GPC5: variants seen among roughly 807,000 people sequenced by gnomAD.
GPC5 encodes the protein glypican 5.
Under a neutral mutation model 53.9 loss-of-function variants are expected in GPC5, and 47 were observed. The observed-to-expected ratio is 0.87, with a 90% CI of 0.69 to 1.11. The LOEUF is 1.11. Among genes scored for constraint, GPC5 ranks in the 50% most tolerant of loss-of-function variants. The pLI is 0.00. For synonymous variants in GPC5, 286 were observed against 263.3 expected (o/e 1.09, Z -0.84); for missense variants, 748 against 713.1 (o/e 1.05, Z -0.56).
intron 5 of GPC5, among the ~76,000 whole-genome samples, chr13:91,792,592 C>A (rs1301425068): frequency 1.3e-5 from 2 of 152,268 alleles, no homozygotes; most frequent in African/African-American, 2.4e-5. Flanking sequence ...AAGTATATTT[C>A]TCTTCTCTAT....
intron 7 of GPC5, among the ~76,000 whole-genome samples, chr13:92,696,629 T>A (rs764047461): frequency 2.0e-5 from 3 of 152,204 alleles, no homozygotes; most frequent in Non-Finnish European, 2.9e-5. Context: ...TGCAAAAATT[T>A]TCTCCCATTC....
At chr13:91,454,422 G>C (rs1443757868) in intron 2 of GPC5, among the ~76,000 whole-genome samples, 1 of 151,888 alleles carries the variant, frequency 6.6e-6, no homozygotes, top group African/African-American at 2.4e-5. Flanking sequence ...CTATGGCTAT[G>C]GTAATCTCAT....
intron 7 of GPC5, among the ~76,000 whole-genome samples, chr13:92,453,801 A>G (rs2139401594): frequency 6.6e-6 from 1 of 152,300 alleles, no homozygotes; most frequent in South Asian, 2.1e-4. Flanking sequence ...CTGTTTGTCA[A>G]TTTTATATAA....
chr13:92,093,095 C>G (rs953278334), intron 6 of GPC5, among the ~76,000 whole-genome samples: 1 of 152,130 alleles, frequency 6.6e-6, no homozygotes, highest in Admixed American at 6.5e-5. Context: ...GCTAAACTAA[C>G]ATTTAGTTTT....
At chr13:91,535,089 C>G (rs562399475) in intron 2 of GPC5, among the ~76,000 whole-genome samples, 1 of 151,974 alleles carries the variant, frequency 6.6e-6, no homozygotes, top group South Asian at 2.1e-4. Context: ...CGCCTTTGCT[C>G]TCTTTTCTCA....
chr13:92,729,284 A>T (rs539506864), intron 7 of GPC5, among the ~76,000 whole-genome samples: 1 of 151,378 alleles, frequency 6.6e-6, no homozygotes, highest in East Asian at 2.0e-4. Context: ...CTTTCCTTTC[A>T]TATCAACCCC....
chr13:92,809,871 C>T (rs545788837), intron 7 of GPC5, among the ~76,000 whole-genome samples: 108 of 151,974 alleles, frequency 7.1e-4, no homozygotes, highest in Non-Finnish European at 4.1e-4. Flanking sequence ...CTTGCATAAA[C>T]GATGACAAGT....
chr13:91,707,449 A>T (rs941791503), intron 3 of GPC5, among the ~76,000 whole-genome samples: 4 of 151,852 alleles, frequency 2.6e-5, no homozygotes, highest in African/African-American at 9.7e-5. Flanking sequence ...ATAGCGAGAC[A>T]CCATCTCTAC....
intron 7 of GPC5, among the ~76,000 whole-genome samples, chr13:92,833,887 C>T (rs1460500073): frequency 6.6e-6 from 1 of 152,036 alleles, no homozygotes; most frequent in Non-Finnish European, 1.5e-5. Context: ...GAGAGAGAGG[C>T]AGGAACAAGA....
chr13:91,952,186 T>C (rs1483425707), intron 6 of GPC5, among the ~76,000 whole-genome samples: 1 of 102,112 alleles, frequency 9.8e-6, no homozygotes, highest in Non-Finnish European at 2.2e-5. Flanking sequence ...TCTCTCTCTC[T>C]CTCTGTGTGT....
chr13:92,161,928 TA>T (rs1566463003), intron 7 of GPC5, among the ~76,000 whole-genome samples: 1 of 143,960 alleles, frequency 6.9e-6, no homozygotes, highest in Non-Finnish European at 1.5e-5. Context: ...TATAAATAAT[TA>T]TATTTGCCTA....
chr13:91,470,392 C>CTGATATCAGTCTG (rs1193431593), intron 2 of GPC5, among the ~76,000 whole-genome samples: 2 of 151,988 alleles, frequency 1.3e-5, no homozygotes, highest in Non-Finnish European at 2.9e-5. Context: ...GGGGATTAGA[C>CTGATATCAGTCTG]TGATATCAGT....
intron 7 of GPC5, among the ~76,000 whole-genome samples, chr13:92,368,587 A>AG (rs2043624606): frequency 6.8e-6 from 1 of 147,422 alleles, no homozygotes; most frequent in Admixed American, 6.9e-5. Context: ...CAGTGAGCCA[A>AG]GATCGCACCA....
chr13:91,839,993 TTAGTCACAA>T (rs1594609060), intron 5 of GPC5, among the ~76,000 whole-genome samples: 1 of 151,946 alleles, frequency 6.6e-6, no homozygotes, highest in Admixed American at 6.6e-5. Flanking sequence ...CAATGAGGAA[TTAGTCACAA>T]TTCCTAAGAT....
At chr13:92,750,627 T>C (rs562913944) in intron 7 of GPC5, among the ~76,000 whole-genome samples, 43 of 152,342 alleles carry the variant, frequency 2.8e-4, no homozygotes, top group Non-Finnish European at 2.6e-4. Flanking sequence ...CAGCTACTGA[T>C]TGAATGCCCT....
At chr13:91,995,534 C>T (rs564692543) in intron 6 of GPC5, 38 of 152,072 alleles carry the variant, frequency 2.5e-4, no homozygotes, top group African/African-American at 7.0e-4. Context: ...TGTTGTAAAA[C>T]GGGGAAAATA....
At chr13:92,657,579 GTTTTTTTTTT>G (rs67038073) in intron 7 of GPC5, among the ~76,000 whole-genome samples, 7 of 106,730 alleles carry the variant, frequency 6.6e-5, no homozygotes, top group South Asian at 3.2e-4. Context: ...AGGTTTTTTG[GTTTTTTTTTT>G]TTTTTTTTTT....
chr13:92,329,374 C>A (rs745844315), intron 7 of GPC5, among the ~76,000 whole-genome samples: 1 of 152,062 alleles, frequency 6.6e-6, no homozygotes, highest in Non-Finnish European at 1.5e-5. Context: ...CCCAGACGTA[C>A]AAACAACCAG....
In GPC5 at chr13:92,377,169, A is replaced by G. The variant is rs192803582; in HGVS notation, c.1561+232180A>G. ...AGGGAATGAATCACTCAATGCTACC[A>G]TCATATTTTGCCTACGCTTGCAGTG... On this transcript the variant is annotated intron_variant, in intron 7 of 7. Transcript: ENST00000377067. Among the ~76,000 whole-genome samples, 4 of 152,294 alleles carry G rather than the reference A, an allele frequency of 2.6e-5. No individual in the cohort carries two copies. In the East Asian group the frequency reaches 7.7e-4, roughly 29 times the overall value.
Sources: allele counts gnomAD v4.1 joint callset (sites outside exome capture counted in the v4.1 genomes callset), GRCh38; gene constraint gnomAD v4.1.1; transcripts MANE v1.5; gene names NCBI Gene and HGNC (gene_info 2026-07-23, HGNC 2026-07-21).